Variants in STAG1 observed in about 807,000 individuals in gnomAD.
The protein encoded by STAG1 is cohesin subunit SA-1.
Under a neutral mutation model 170.9 loss-of-function variants are expected in STAG1, and 26 were observed. That is an observed-to-expected ratio of 0.15 (90% CI 0.11 to 0.21). STAG1 has a LOEUF of 0.21. Among genes scored for constraint, STAG1 ranks in the 10% least tolerant of loss-of-function variants. The pLI is 1.00. For synonymous variants in STAG1, 514 were observed against 497.7 expected, an observed-to-expected ratio of 1.03 and a Z score of -0.44; for missense variants, 964 against 1,509.5, an observed-to-expected ratio of 0.64 and a Z score of 5.99.
chr3:136,732,669 G>C (rs1011121321), intron 1 of STAG1, among the ~76,000 whole-genome samples: 1 of 152,056 alleles, frequency 6.6e-6, no homozygotes, highest in Non-Finnish European at 1.5e-5. Flanking sequence ...GAGTGCAGCG[G>C]CGCAATCTCA....
At chr3:136,523,089 G>T (rs1934775930) in intron 6 of STAG1, among the ~76,000 whole-genome samples, 1 of 152,068 alleles carries the variant, frequency 6.6e-6, no homozygotes, top group Non-Finnish European at 1.5e-5. Flanking sequence ...TACCCAGTAA[G>T]GGGATGGCTG....
intron 4 of STAG1, among the ~76,000 whole-genome samples, chr3:136,595,673 TCTCAATAA>T (rs1323050448): frequency 8.0e-6 from 1 of 125,048 alleles, no homozygotes; most frequent in Admixed American, 9.8e-5. Context: ...CAAGACTCCA[TCTCAATAA>T]ATAAATAAAT....
At chr3:136,704,759 G>C (rs1314742153) in intron 1 of STAG1, among the ~76,000 whole-genome samples, 1 of 148,894 alleles carries the variant, frequency 6.7e-6, no homozygotes, top group Non-Finnish European at 1.5e-5. Context: ...AGCCTGGGGG[G>C]TTGCAGTGAG....
rs572512801 is a variant in STAG1 at position 136,715,779 on chromosome 3, A to T, written c.-84+36416T>A. ...ATAACTACTGTAGTTTTTTTTTTTT[A>T]AAGTATGTATAAAACATATATATAA... On this transcript the variant is annotated intron_variant, in intron 1 of 33. Coordinates refer to ENST00000383202, the MANE Select transcript of STAG1 (RefSeq NM_005862.3). 2.9e-4 allele frequency among the ~76,000 whole-genome samples: 44 copies of T among 150,826 alleles called. No individual in the cohort carries two copies. The East Asian group carries it at 3.5e-3, about 12-fold the overall frequency.
At chr3:136,737,430 G>A (rs1934404639) in intron 1 of STAG1, among the ~76,000 whole-genome samples, 1 of 151,990 alleles carries the variant, frequency 6.6e-6, no homozygotes, top group Non-Finnish European at 1.5e-5. Context: ...AGAGACAGGG[G>A]TTTCGCCATG....
chr3:136,484,511 G>A (rs1242954143), intron 9 of STAG1, among the ~76,000 whole-genome samples: 1 of 144,464 alleles, frequency 6.9e-6, no homozygotes. Flanking sequence ...TAAGTCTGCA[G>A]AGGTTACTGC....
At position 136,337,077 on chromosome 3, in the gene STAG1, A is replaced by C. The variant is rs1397154920; in HGVS notation, c.*1177T>G. 6.6e-6 allele frequency: 1 copy of C among 152,662 alleles called. No homozygotes were observed. Among genetic ancestry groups the C allele is most frequent in the Non-Finnish European group, 1.5e-5 (1 of 68,052 alleles). 9.5% of individuals were successfully genotyped at this position (152,662 alleles called of 1,614,324 possible). On this transcript the variant is annotated 3_prime_UTR_variant, in exon 34 of 34. Transcript: ENST00000383202. The stretch of plus-strand genomic sequence containing the variant: ...AAGATTCATAATTTCTTTCCCCAAA[A>C]GAATTATTCTTAATATGCACATTTA...
intron 1 of STAG1, among the ~76,000 whole-genome samples, chr3:136,734,030 C>T (rs1000171586): frequency 6.0e-5 from 9 of 151,210 alleles, no homozygotes; most frequent in Non-Finnish European, 7.4e-5. Flanking sequence ...TGGCGTGAAT[C>T]CGGGAGGCAG....
chr3:136,640,970 C>T (rs1017520497), intron 1 of STAG1, among the ~76,000 whole-genome samples: 11 of 152,202 alleles, frequency 7.2e-5, no homozygotes, highest in African/African-American at 2.4e-4. Flanking sequence ...CCACTGCGCC[C>T]GGCCCCATTA....
chr3:136,668,984 T>A (rs1576741504), intron 1 of STAG1, among the ~76,000 whole-genome samples: 2 of 152,226 alleles, frequency 1.3e-5, no homozygotes, highest in East Asian at 3.8e-4. Context: ...ACTTCTTCAG[T>A]GGTACCTCCA....
chr3:136,455,167 G>A (rs1441982542), intron 13 of STAG1, among the ~76,000 whole-genome samples: 1 of 152,022 alleles, frequency 6.6e-6, no homozygotes, highest in Admixed American at 6.5e-5. Flanking sequence ...AACTTTTTTT[G>A]GTGTTGTGAT....
rs560207010 is a variant in STAG1 at position 136,535,992 on chromosome 3, C to A, written c.471+6127G>T. On this transcript the variant is annotated intron_variant, in intron 6 of 33. Coordinates refer to ENST00000383202, the MANE Select transcript of STAG1 (RefSeq NM_005862.3). ...AATCACTGTAAAATCCAATTTTGTA[C>A]GAGTTTTAAAACGGAAAGATAAAAA... is the stretch of plus-strand genomic sequence containing the variant. Among the ~76,000 whole-genome samples the A allele has an allele frequency of 2.0e-4, 30 of 152,094 alleles. No homozygotes were observed. In the South Asian group the frequency reaches 5.6e-3, roughly 28 times the overall value.
chr3:136,354,267 C>T (rs1388991251), intron 28 of STAG1, among the ~76,000 whole-genome samples: 1 of 152,014 alleles, frequency 6.6e-6, no homozygotes, highest in Non-Finnish European at 1.5e-5. Flanking sequence ...TCTGTATTTC[C>T]TTAGAATAAA....
intron 6 of STAG1, among the ~76,000 whole-genome samples, chr3:136,535,307 CT>C (rs1320514353): frequency 1.3e-5 from 2 of 152,108 alleles, no homozygotes; most frequent in Non-Finnish European, 2.9e-5. Flanking sequence ...GAAATAAGTT[CT>C]AATGTTCGAT....
chr3:136,401,769 CTTTAT>C (rs1291998318), intron 21 of STAG1, among the ~76,000 whole-genome samples: 2 of 151,994 alleles, frequency 1.3e-5, no homozygotes, highest in Non-Finnish European at 2.9e-5. Flanking sequence ...ATTGATATTC[CTTTAT>C]TTTATTTTAC....
intron 13 of STAG1, 31 bp downstream of exon 13, chr3:136,464,850 T>C (rs776825305): frequency 3.2e-6 from 5 of 1,553,250 alleles, no homozygotes; most frequent in African/African-American, 2.7e-5. Flanking sequence ...CATAGAAAAG[T>C]AGAACCGGTT....
intron 1 of STAG1, among the ~76,000 whole-genome samples, chr3:136,711,934 G>T (rs1337576916): frequency 4.6e-5 from 7 of 151,928 alleles, no homozygotes; most frequent in Non-Finnish European, 7.4e-5. Context: ...TACCTCCAAG[G>T]AAGAAAAAAA....
intron 5 of STAG1, among the ~76,000 whole-genome samples, chr3:136,554,718 C>T (rs1264756165): frequency 6.6e-6 from 1 of 151,888 alleles, no homozygotes. Flanking sequence ...AACATAGCAA[C>T]CTTGTCTCTA....
intron 23 of STAG1, among the ~76,000 whole-genome samples, chr3:136,374,662 G>C (rs942493451): frequency 6.6e-6 from 1 of 151,284 alleles, no homozygotes; most frequent in African/African-American, 2.4e-5. Context: ...TAATGTGTTT[G>C]TGTGTTAGGT....
Sources: gnomAD v4.1 joint callset for allele counts (sites outside exome capture counted in the v4.1 genomes callset) on GRCh38, gnomAD v4.1.1 for gene constraint, MANE v1.5 for transcripts, NCBI Gene and HGNC (gene_info 2026-07-23, HGNC 2026-07-21) for gene names.